The following RBFOX3 variants were observed in gnomAD, a reference collection of about 807,000 sequenced individuals.
RBFOX3 encodes the protein RNA binding fox-1 homolog 3, also known as RNA binding protein fox-1 homolog 3.
RBFOX3 carries 17 observed loss-of-function variants against 48.7 expected under a neutral mutation model. The ratio of observed to expected loss-of-function variants is 0.35; its 90% confidence interval spans 0.24 to 0.52. The LOEUF (loss-of-function observed/expected upper bound fraction) is 0.52. Ranked by LOEUF, RBFOX3 falls within the 20% of genes least tolerant of loss-of-function variation. The pLI is 0.94. For synonymous variants in RBFOX3, 212 were observed against 209.5 expected (o/e 1.01, Z -0.10); for missense variants, 382 against 497.5 (o/e 0.77, Z 2.21).
intron 1 of RBFOX3, among the ~76,000 whole-genome samples, chr17:79,607,946 T>C (rs2093873125): frequency 2.0e-5 from 3 of 152,186 alleles, no homozygotes; most frequent in African/African-American, 4.8e-5. Context: ...TCTGGAATGG[T>C]ACCCAGGAGG....
At chr17:79,634,784 G>A in the RBFOX3 span, among the ~76,000 whole-genome samples, 3 of 152,014 alleles carry the variant, frequency 2.0e-5, no homozygotes, top group Admixed American at 1.3e-4. Context: ...TAAAACTGGG[G>A]AGCAATGGCT....
chr17:79,551,968 A>G (rs1420240821), intron 1 of RBFOX3, among the ~76,000 whole-genome samples: 3 of 152,310 alleles, frequency 2.0e-5, no homozygotes, highest in Non-Finnish European at 4.4e-5. Context: ...AAGCACCCAA[A>G]AATTTTGTTT....
chr17:79,567,252 C>T (rs1255936837), intron 1 of RBFOX3, among the ~76,000 whole-genome samples: 1 of 137,558 alleles, frequency 7.3e-6, no homozygotes, highest in South Asian at 2.3e-4. Context: ...GGTGTGATCT[C>T]GGCTCACTGC....
At chr17:79,628,244 G>A in the RBFOX3 span, among the ~76,000 whole-genome samples, 1 of 151,994 alleles carries the variant, frequency 6.6e-6, no homozygotes, top group South Asian at 2.1e-4. Flanking sequence ...ACATCCTTCT[G>A]TTCCCCACCC....
intron 1 of RBFOX3, among the ~76,000 whole-genome samples, chr17:79,527,512 A>T (rs2086962315): frequency 6.6e-6 from 1 of 152,006 alleles, no homozygotes. Flanking sequence ...TCCCTCCCCC[A>T]CCAGCTTTGT....
chr17:79,403,979 C>T (rs1046415769), intron 2 of RBFOX3, among the ~76,000 whole-genome samples: 4 of 152,078 alleles, frequency 2.6e-5, no homozygotes, highest in African/African-American at 9.7e-5. Context: ...GGGGTTTCAC[C>T]ATGTTAACCA....
chr17:79,271,708 C>T (rs1376949587), intron 3 of RBFOX3, among the ~76,000 whole-genome samples: 1 of 152,126 alleles, frequency 6.6e-6, no homozygotes, highest in Non-Finnish European at 1.5e-5. Flanking sequence ...AATCACCAGA[C>T]TTCTCTGGAC....
intron 4 of RBFOX3, among the ~76,000 whole-genome samples, chr17:79,227,595 G>A (rs920272745): frequency 1.3e-5 from 2 of 152,248 alleles, no homozygotes; most frequent in African/African-American, 4.8e-5. Context: ...CTGGCTGGGG[G>A]ATGGCGGCGT....
intron 1 of RBFOX3, among the ~76,000 whole-genome samples, chr17:79,604,902 A>G (rs2093792292): frequency 6.6e-6 from 1 of 152,214 alleles, no homozygotes; most frequent in Admixed American, 6.5e-5. Context: ...AGCCTGGCCC[A>G]GGAATCGGCA....
At chr17:79,293,435 CCTTCCTTCCTTCCT>C (rs1567990069) in intron 3 of RBFOX3, among the ~76,000 whole-genome samples, 1 of 62,876 alleles carries the variant, frequency 1.6e-5, no homozygotes, top group Non-Finnish European at 2.8e-5. Context: ...TTCCTTCCTT[CCTTCCTTCCTTCCT>C]TCCTTCCTTC....
At chr17:79,138,369 G>A (rs142236896) in intron 4 of RBFOX3, among the ~76,000 whole-genome samples, 24 of 152,118 alleles carry the variant, frequency 1.6e-4, no homozygotes, top group Non-Finnish European at 2.1e-4. Flanking sequence ...ACACCCGCAC[G>A]CACACACTCC....
intron 2 of RBFOX3, among the ~76,000 whole-genome samples, chr17:79,352,188 A>G (rs2084071927): frequency 6.6e-6 from 1 of 152,116 alleles, no homozygotes; most frequent in Non-Finnish European, 1.5e-5. Context: ...ACTGTTGGAC[A>G]TGGGGCCTGG....
At chr17:79,496,734 A>G (rs1377760141) in intron 1 of RBFOX3, among the ~76,000 whole-genome samples, 1 of 151,916 alleles carries the variant, frequency 6.6e-6, no homozygotes, top group Non-Finnish European at 1.5e-5. Context: ...CCCTTACCCC[A>G]CCCTTTCCTT....
chr17:79,500,125 C>G (rs1208694988), intron 1 of RBFOX3, among the ~76,000 whole-genome samples: 5 of 152,314 alleles, frequency 3.3e-5, no homozygotes, highest in Middle Eastern at 3.4e-3. Context: ...CCATAGAGCA[C>G]AGCTGCCCCA....
the RBFOX3 span, among the ~76,000 whole-genome samples, chr17:79,656,748 A>AGG: frequency 2.5e-3 from 165 of 65,148 alleles, 1 homozygote; most frequent in African/African-American, 6.7e-3. Flanking sequence ...GAAAGAAAGA[A>AGG]AGAAGGAAGG....
intron 2 of RBFOX3, among the ~76,000 whole-genome samples, chr17:79,385,940 G>T (rs1308240964): frequency 6.6e-5 from 6 of 91,048 alleles, no homozygotes; most frequent in African/African-American, 2.7e-4. Context: ...CCTCCATTGC[G>T]GACAGGAGCT....
intron 2 of RBFOX3, among the ~76,000 whole-genome samples, chr17:79,325,331 C>G (rs1341867865): frequency 6.6e-6 from 1 of 152,126 alleles, no homozygotes; most frequent in African/African-American, 2.4e-5. Flanking sequence ...TCCCTGGGCT[C>G]AAATGTGGTG....
At chr17:79,256,669 G>C (rs1438910072) in intron 3 of RBFOX3, among the ~76,000 whole-genome samples, 2 of 152,150 alleles carry the variant, frequency 1.3e-5, no homozygotes, top group Admixed American at 1.3e-4. Context: ...TGTAATCCCA[G>C]CACTTTGGGA....
intron 2 of RBFOX3, among the ~76,000 whole-genome samples, chr17:79,426,568 G>A (rs8075392): frequency 0.4 from 61,209 of 152,044 alleles, 13,132 homozygotes; most frequent in East Asian, 0.61. Context: ...AAAGTGAACT[G>A]ATGAAGCCTC....
Sources: allele counts gnomAD v4.1 joint callset (sites outside exome capture counted in the v4.1 genomes callset), GRCh38; gene constraint gnomAD v4.1.1; transcripts MANE v1.5; gene names NCBI Gene and HGNC (gene_info 2026-07-23, HGNC 2026-07-21).